Variants in SDK1 observed in about 807,000 individuals in gnomAD.
SDK1 encodes the protein sidekick cell adhesion molecule 1, also known as protein sidekick-1.
Under a neutral mutation model 245.5 loss-of-function variants are expected in SDK1, and 157 were observed. The ratio of observed to expected loss-of-function variants is 0.64; its 90% CI spans 0.56 to 0.73. The LOEUF (loss-of-function observed/expected upper bound fraction) is 0.73. Ranked by LOEUF, SDK1 falls within the 30% of genes least tolerant of loss-of-function variation. The pLI, the probability that SDK1 is intolerant of heterozygous loss-of-function variation, is 0.00. For missense variants in SDK1, 3,583 were observed against 3,002.3 expected (o/e 1.19, Z -4.52); for synonymous variants, 1,647 against 1,278.5 (o/e 1.29, Z -6.15).
intron 1 of SDK1, among the ~76,000 whole-genome samples, chr7:3,343,764 G>A (rs989102039): frequency 6.6e-6 from 1 of 152,034 alleles, no homozygotes; most frequent in African/African-American, 2.4e-5. Context: ...AGACAAGATT[G>A]GAAAGTGCCT....
At chr7:3,925,692 A>G (rs1403300426) in intron 5 of SDK1, among the ~76,000 whole-genome samples, 2 of 152,188 alleles carry the variant, frequency 1.3e-5, no homozygotes, top group South Asian at 4.1e-4. Flanking sequence ...AAGAAATGCT[A>G]AAGAGAAGTT....
At chr7:3,954,953 T>C (rs574519425) in intron 7 of SDK1, among the ~76,000 whole-genome samples, 1 of 151,516 alleles carries the variant, frequency 6.6e-6, no homozygotes, top group Non-Finnish European at 1.5e-5. Flanking sequence ...TCACCACCTA[T>C]GAAACCATTT....
At chr7:3,700,326 G>A (rs958454125) in intron 4 of SDK1, among the ~76,000 whole-genome samples, 1 of 152,156 alleles carries the variant, frequency 6.6e-6, no homozygotes, top group African/African-American at 2.4e-5. Context: ...TTCCTTTTGA[G>A]TTGTCTAAAT....
intron 1 of SDK1, among the ~76,000 whole-genome samples, chr7:3,348,968 T>A (rs1336666995): frequency 6.6e-6 from 1 of 152,224 alleles, no homozygotes; most frequent in Non-Finnish European, 1.5e-5. Flanking sequence ...TGTCAGACTC[T>A]GTCCCTGGAG....
intron 1 of SDK1, among the ~76,000 whole-genome samples, chr7:3,554,882 G>GA (rs1271550732): frequency 6.6e-6 from 1 of 152,080 alleles, no homozygotes; most frequent in Admixed American, 6.6e-5. Flanking sequence ...CCAGAGAAGT[G>GA]AAAAATCCCT....
intron 1 of SDK1, among the ~76,000 whole-genome samples, chr7:3,539,454 G>A (rs769683149): frequency 2.0e-5 from 3 of 152,152 alleles, no homozygotes; most frequent in Non-Finnish European, 2.9e-5. Flanking sequence ...CCTGGAGTAC[G>A]CAGAAGAGGG....
At chr7:3,677,511 G>C (rs1429718345) in intron 4 of SDK1, among the ~76,000 whole-genome samples, 1 of 152,154 alleles carries the variant, frequency 6.6e-6, no homozygotes, top group Non-Finnish European at 1.5e-5. Context: ...AAAAGCATCA[G>C]ATCTCGTGAG....
rs758724248 is a variant in SDK1, at chr7:3,659,669, G to A, written c.713+17564G>A. ...GTGGGGTGGATTTATACCAGGAGAA[G>A]GCCATGATCTGATTGGCTTTAAGAA... On this transcript the variant is annotated intron_variant, in intron 4 of 44. Transcript: ENST00000404826. Among the ~76,000 whole-genome samples, 16 of 152,314 alleles carry A rather than the reference G, an allele frequency of 1.1e-4. No individual in the cohort carries two copies. In the Middle Eastern group the frequency reaches 0.014, roughly 130 times the overall value.
chr7:3,496,972 T>C (rs1782045050), intron 1 of SDK1, among the ~76,000 whole-genome samples: 1 of 152,168 alleles, frequency 6.6e-6, no homozygotes, highest in Non-Finnish European at 1.5e-5. Flanking sequence ...TTAATTTCTA[T>C]CCCTCCACAT....
At chr7:3,999,139 C>G (rs1431903018) in intron 14 of SDK1, among the ~76,000 whole-genome samples, 2 of 152,164 alleles carry the variant, frequency 1.3e-5, no homozygotes, top group South Asian at 2.1e-4. Context: ...CACACACACA[C>G]ACGCACACAC....
intron 4 of SDK1, among the ~76,000 whole-genome samples, chr7:3,694,972 A>G (rs1443401218): frequency 6.6e-6 from 1 of 152,210 alleles, no homozygotes; most frequent in Non-Finnish European, 1.5e-5. Context: ...TTGATCTACC[A>G]AACATGAAAA....
intron 1 of SDK1, among the ~76,000 whole-genome samples, chr7:3,327,285 A>G (rs1262306884): frequency 6.6e-6 from 1 of 152,178 alleles, no homozygotes. Context: ...AGGCTGATGA[A>G]TGGAGACAGC....
chr7:3,604,302 C>A (rs939315539), intron 1 of SDK1, among the ~76,000 whole-genome samples: 2 of 152,146 alleles, frequency 1.3e-5, no homozygotes, highest in Non-Finnish European at 1.5e-5. Context: ...GGCTGTGAAT[C>A]CATCTGGTCC....
chr7:3,858,474 A>G (rs1234411581), intron 5 of SDK1, among the ~76,000 whole-genome samples: 1 of 152,188 alleles, frequency 6.6e-6, no homozygotes, highest in Non-Finnish European at 1.5e-5. Context: ...CCCAGGAAAA[A>G]AAAATCACAA....
chr7:4,081,907 C>G (rs1269760654), intron 22 of SDK1, among the ~76,000 whole-genome samples: 2 of 152,172 alleles, frequency 1.3e-5, no homozygotes, highest in Non-Finnish European at 2.9e-5. Flanking sequence ...TTCCCCCATA[C>G]ACATCACACA....
intron 22 of SDK1, among the ~76,000 whole-genome samples, chr7:4,100,457 G>A (rs1380935410): frequency 6.6e-6 from 1 of 151,996 alleles, no homozygotes; most frequent in African/African-American, 2.4e-5. Flanking sequence ...CAGGCGCTGT[G>A]GACTGAGCGT....
At chr7:3,640,219 A>G (rs1190229194) in intron 3 of SDK1, among the ~76,000 whole-genome samples, 4 of 152,234 alleles carry the variant, frequency 2.6e-5, no homozygotes, top group African/African-American at 9.6e-5. Context: ...AAAAAATGTT[A>G]TAAGATGTTA....
At chr7:3,452,132 T>C (rs1334173712) in intron 1 of SDK1, among the ~76,000 whole-genome samples, 3 of 152,228 alleles carry the variant, frequency 2.0e-5, no homozygotes, top group African/African-American at 4.8e-5. Flanking sequence ...AAGTAAGTTA[T>C]GAGCATTTTT....
intron 29 of SDK1, among the ~76,000 whole-genome samples, chr7:4,148,279 C>T (rs545877104): frequency 2.8e-4 from 43 of 152,342 alleles, no homozygotes; most frequent in Middle Eastern, 6.8e-3. Flanking sequence ...GCTTTACACA[C>T]GCCACGCATT....
Sources: allele counts gnomAD v4.1 joint callset (sites outside exome capture counted in the v4.1 genomes callset), GRCh38; gene constraint gnomAD v4.1.1; transcripts MANE v1.5; gene names NCBI Gene and HGNC (gene_info 2026-07-23, HGNC 2026-07-21).